Variants in RGPD2 observed in about 807,000 individuals in gnomAD.
RGPD2 encodes RANBP2 like and GRIP domain containing 2, also known as RANBP2-like and GRIP domain-containing protein 2.
In RGPD2, 2 loss-of-function variants were observed where a neutral mutation model predicts 36.0. That is an observed-to-expected ratio of 0.06 (90% CI 0.02 to 0.17). The LOEUF is 0.17. Ranked by LOEUF, RGPD2 falls within the 10% of genes least tolerant of loss-of-function variation. RGPD2 has a pLI of 1.00. For synonymous variants in RGPD2, 19 were observed against 163.8 expected (o/e 0.12, Z 6.75); for missense variants, 40 against 464.3 (o/e 0.09, Z 8.40).
chr2:87,841,352 A>T, the RGPD2 span, among the ~76,000 whole-genome samples: 1 of 152,154 alleles, frequency 6.6e-6, no homozygotes, highest in East Asian at 1.9e-4. Context: ...ATGCTTGTAC[A>T]ACCTGCAGAA....
At chr2:87,968,754 G>A in the RGPD2 span, 31 of 217,888 alleles carry the variant, frequency 1.4e-4, no homozygotes, top group South Asian at 1.3e-3. Flanking sequence ...CCTAACTGCC[G>A]AGGGCTCATC....
the RGPD2 span, among the ~76,000 whole-genome samples, chr2:87,887,333 GT>G: frequency 1.3e-5 from 2 of 150,964 alleles, no homozygotes; most frequent in South Asian, 4.2e-4. Context: ...GTTCTTTCTT[GT>G]TTTGGATTCC....
the RGPD2 span, among the ~76,000 whole-genome samples, chr2:87,929,239 AG>A: frequency 6.6e-6 from 1 of 151,784 alleles, no homozygotes. Flanking sequence ...ATAAGGTGTA[AG>A]AAAGGGGTCC....
chr2:87,830,805 G>C, the RGPD2 span, among the ~76,000 whole-genome samples: 2 of 152,050 alleles, frequency 1.3e-5, no homozygotes, highest in South Asian at 4.1e-4. Flanking sequence ...TCATGAAACA[G>C]TCACTATCAC....
the RGPD2 span, among the ~76,000 whole-genome samples, chr2:87,836,189 G>A: frequency 6.6e-6 from 1 of 150,430 alleles, no homozygotes. Flanking sequence ...ATCCTCCAAG[G>A]TCAAAGAAAA....
At chr2:87,968,521 C>A in the RGPD2 span, 3 of 142,464 alleles carry the variant, frequency 2.1e-5, no homozygotes, top group East Asian at 2.2e-4. Context: ...GGTTGCAGTG[C>A]GCCGAGATTG....
the RGPD2 span, among the ~76,000 whole-genome samples, chr2:87,937,033 T>C: frequency 6.6e-6 from 1 of 151,580 alleles, no homozygotes; most frequent in Admixed American, 6.6e-5. Flanking sequence ...CAAAATATGG[T>C]TTCTGTCAGT....
At chr2:87,977,767 C>A in the RGPD2 span, among the ~76,000 whole-genome samples, 2 of 152,048 alleles carry the variant, frequency 1.3e-5, no homozygotes, top group South Asian at 2.1e-4. Context: ...AAATCATAGG[C>A]TTCATTTTTT....
chr2:87,881,732 T>C, the RGPD2 span, among the ~76,000 whole-genome samples: 1 of 150,398 alleles, frequency 6.6e-6, no homozygotes, highest in Admixed American at 6.6e-5. Context: ...CAAGGTCGCG[T>C]CCACATTTTC....
At chr2:87,857,801 G>A in the RGPD2 span, among the ~76,000 whole-genome samples, 2 of 138,450 alleles carry the variant, frequency 1.4e-5, no homozygotes, top group East Asian at 2.1e-4. Context: ...AAAAAAATTA[G>A]CATGTTTTAT....
chr2:87,878,754 C>T, the RGPD2 span, among the ~76,000 whole-genome samples: 4 of 152,160 alleles, frequency 2.6e-5, no homozygotes, highest in Non-Finnish European at 5.9e-5. Context: ...ACCCCCACAG[C>T]CTCTGGTAAC....
chr2:87,977,773 T>A, the RGPD2 span, among the ~76,000 whole-genome samples: 2 of 152,186 alleles, frequency 1.3e-5, no homozygotes, highest in African/African-American at 4.8e-5. Context: ...TAGGCTTCAT[T>A]TTTTTTCCTG....
At chr2:87,807,380 G>GTTTTTTTTTTTTTTTTTT (rs992462711) in intron 6 of RGPD2, among the ~76,000 whole-genome samples, 1 of 81,952 alleles carries the variant, frequency 1.2e-5, no homozygotes. Context: ...GCGTTAAATT[G>GTTTTTTTTTTTTTTTTTT]TTTTTTTTTT....
At chr2:87,849,021 G>A in the RGPD2 span, among the ~76,000 whole-genome samples, 7 of 151,878 alleles carry the variant, frequency 4.6e-5, no homozygotes, top group Non-Finnish European at 7.4e-5. Flanking sequence ...GAAAATTGAC[G>A]TTTGAGTTAC....
At chr2:87,870,115 C>T in the RGPD2 span, among the ~76,000 whole-genome samples, 1 of 152,262 alleles carries the variant, frequency 6.6e-6, no homozygotes, top group Admixed American at 6.5e-5. Flanking sequence ...TCTCTCTGCA[C>T]ATTGTCACAT....
At chr2:87,967,821 CCACAGAAACAAAT>C in the RGPD2 span, among the ~76,000 whole-genome samples, 3,827 of 149,308 alleles carry the variant, frequency 0.026, 61 homozygotes, top group African/African-American at 0.093. Flanking sequence ...ACTAGAAATT[CCACAGAAACAAAT>C]CTCAGAAAAT....
At chr2:87,857,382 GC>G in the RGPD2 span, among the ~76,000 whole-genome samples, 1 of 150,822 alleles carries the variant, frequency 6.6e-6, no homozygotes, top group African/African-American at 2.4e-5. Context: ...TCGCTCTGTT[GC>G]CCAGGCTGGG....
At chr2:87,939,279 CTG>C in the RGPD2 span, among the ~76,000 whole-genome samples, 1 of 152,088 alleles carries the variant, frequency 6.6e-6, no homozygotes, top group Non-Finnish European at 1.5e-5. Flanking sequence ...ACTGGAAAAA[CTG>C]TGAAAATCAT....
chr2:87,836,495 C>A, the RGPD2 span, among the ~76,000 whole-genome samples: 7 of 151,334 alleles, frequency 4.6e-5, no homozygotes, highest in Admixed American at 4.0e-4. Context: ...TAATATCTAG[C>A]CAAACTACAC....
Sources: gnomAD v4.1 joint callset for allele counts (sites outside exome capture counted in the v4.1 genomes callset) on GRCh38, gnomAD v4.1.1 for gene constraint, MANE v1.5 for transcripts, NCBI Gene and HGNC (gene_info 2026-07-23, HGNC 2026-07-21) for gene names.